NECTIN3: variants seen among roughly 807,000 people sequenced by gnomAD.
NECTIN3 encodes nectin-3.
NECTIN3 carries 8 observed loss-of-function variants against 49.4 expected under a neutral mutation model. The observed-to-expected ratio is 0.16, with a 90% CI of 0.10 to 0.29. The LOEUF (loss-of-function observed/expected upper bound fraction) is 0.29. Among genes scored for constraint, NECTIN3 ranks in the 10% least tolerant of loss-of-function variants. The pLI, the probability that NECTIN3 is intolerant of heterozygous loss-of-function variation, is 1.00. For synonymous variants in NECTIN3, 277 were observed against 241.1 expected (o/e 1.15, Z -1.38); for missense variants, 581 against 654.6 (o/e 0.89, Z 1.23).
intron 1 of NECTIN3, 99 bp from the exon 2 acceptor site, chr3:111,111,928 TGTG>T: frequency 3.3e-6 from 2 of 604,922 alleles, no homozygotes; most frequent in Admixed American, 5.9e-5. Flanking sequence ...TGTGTGTGTG[TGTG>T]TGTAGCTAGA....
rs186408006 is a variant in NECTIN3 at position 111,115,408 on chromosome 3, C to T, written c.502+3037C>T. Among the ~76,000 whole-genome samples, 3 of 152,280 alleles carry T rather than the reference C, an allele frequency of 2.0e-5. No homozygotes were observed. In the East Asian group the frequency reaches 5.8e-4, roughly 29 times the overall value. On this transcript the variant is annotated intron_variant, in intron 2 of 5. Coordinates refer to ENST00000485303, the MANE Select transcript of NECTIN3 (RefSeq NM_015480.3). ...ATATTTGTATTCAGTAGTTGTGCTGCCTCTCACCTGTCTTCTATTCTCAGC... is the reference window on the plus strand; with the variant it reads ...ATATTTGTATTCAGTAGTTGTGCTGTCTCTCACCTGTCTTCTATTCTCAGC...
chr3:111,139,293 T>C (rs1444220069), downstream of NECTIN3, among the ~76,000 whole-genome samples: 1 of 151,766 alleles, frequency 6.6e-6, no homozygotes, highest in African/African-American at 2.4e-5. Flanking sequence ...TTTCCAAATA[T>C]GATCCATTCA....
At chr3:111,186,859 A>C (rs149310825) in intron 7 of NECTIN3, among the ~76,000 whole-genome samples, 369 of 152,332 alleles carry the variant, frequency 2.4e-3, no homozygotes, top group African/African-American at 8.3e-3. Flanking sequence ...GAGTAGCCCA[A>C]GGCTTTCTAG....
At chr3:111,185,284 AAC>A (rs766685867) in intron 7 of NECTIN3, among the ~76,000 whole-genome samples, 22 of 152,196 alleles carry the variant, frequency 1.4e-4, no homozygotes, top group Non-Finnish European at 1.2e-4. Context: ...ACCAGAAAAA[AAC>A]AGAGTTATCA....
chr3:111,115,813 A>C lies in NECTIN3; in HGVS notation c.503-2843A>C, dbSNP rs530487315. Among the ~76,000 whole-genome samples, 50 of 152,372 alleles carry C rather than the reference A, an allele frequency of 3.3e-4. 1 individual carries two copies. Among genetic ancestry groups the C allele is most frequent in the Admixed American group, 5.9e-4 (9 of 15,300 alleles). On this transcript the variant is annotated intron_variant, in intron 2 of 5. Transcript: ENST00000485303. ...CATGAATGAAGACAAGAACTATTAC[A>C]GAGGAATAATTAGCAGAATTTTGTA...
downstream of NECTIN3, among the ~76,000 whole-genome samples, chr3:111,142,054 T>C (rs1010187743): frequency 1.3e-5 from 2 of 151,912 alleles, no homozygotes; most frequent in African/African-American, 2.4e-5. Context: ...GGCTGAGATA[T>C]GTGCGAAACA....
Position 111,137,081 on chromosome 3 carries a change from G to A in NECTIN3, c.*2866G>A. On this transcript the variant is annotated 3_prime_UTR_variant, in exon 6 of 6. Coordinates refer to ENST00000485303, the MANE Select transcript of NECTIN3 (RefSeq NM_015480.3). Reference sequence around the variant, plus strand: ...ACGGCTAAATATTTTGCATTAAGGAGCTGTAGGAGTACAGTGTATAAGTAC... The same window carrying A: ...ACGGCTAAATATTTTGCATTAAGGAACTGTAGGAGTACAGTGTATAAGTAC... 1 of 983,116 alleles carries A rather than the reference G, an allele frequency of 1.0e-6. No homozygotes were observed. Among genetic ancestry groups the A allele is most frequent in the Admixed American group, 6.2e-5 (1 of 16,162 alleles). The allele number at this position is 983,116 out of a possible 1,614,324, so 60.9% of individuals were successfully genotyped here.
chr3:111,098,797 C>T (rs1236734171), intron 1 of NECTIN3, among the ~76,000 whole-genome samples: 1 of 151,742 alleles, frequency 6.6e-6, no homozygotes, highest in Admixed American at 6.6e-5. Flanking sequence ...TATTTTCAAC[C>T]TGCAATATTC....
intron 5 of NECTIN3, among the ~76,000 whole-genome samples, chr3:111,131,330 A>G (rs2034381208): frequency 6.6e-6 from 1 of 152,024 alleles, no homozygotes; most frequent in Non-Finnish European, 1.5e-5. Flanking sequence ...TCTAACTGAA[A>G]AATGAGGAAT....
chr3:111,157,420 C>A (rs1041374835), intron 7 of NECTIN3, among the ~76,000 whole-genome samples: 1 of 152,026 alleles, frequency 6.6e-6, no homozygotes, highest in Non-Finnish European at 1.5e-5. Flanking sequence ...TTCAAGAGAT[C>A]CAGCTTGAGT....
In NECTIN3 at chr3:111,135,130, CA is replaced by C. The variant is rs1212470422; in HGVS notation, c.*917del. ...TAGTTTTAGAAATGAGACTTTCAGCCAACAATCTATAGAAAGAATTTTATGG... is the reference window on the plus strand; with the variant it reads ...TAGTTTTAGAAATGAGACTTTCAGCCACAATCTATAGAAAGAATTTTATGG... On this transcript the variant is annotated 3_prime_UTR_variant, in exon 6 of 6. Transcript: ENST00000485303. 46 of 980,704 alleles carry C rather than the reference CA, an allele frequency of 4.7e-5. No individual in the cohort carries two copies. Among genetic ancestry groups the C allele is most frequent in the Non-Finnish European group, 5.4e-5 (45 of 826,016 alleles). The allele number at this position is 980,704 out of a possible 1,614,324, so 60.8% of individuals were successfully genotyped here. A position where few individuals can be genotyped will look rare whatever the true frequency, so the allele number is the denominator to read the frequency against.
intron 7 of NECTIN3, among the ~76,000 whole-genome samples, chr3:111,169,728 A>G (rs1410022970): frequency 6.6e-6 from 1 of 152,192 alleles, no homozygotes; most frequent in Non-Finnish European, 1.5e-5. Flanking sequence ...ACTAAGAATT[A>G]GGGCAACAGT....
At chr3:111,173,118 C>T (rs932849120) in intron 7 of NECTIN3, among the ~76,000 whole-genome samples, 1 of 149,760 alleles carries the variant, frequency 6.7e-6, no homozygotes, top group African/African-American at 2.5e-5. Flanking sequence ...GTTACCCTTT[C>T]TGGGTCTGTT....
chr3:111,089,030 A>C (rs2032097758), intron 1 of NECTIN3, among the ~76,000 whole-genome samples: 2 of 152,132 alleles, frequency 1.3e-5, no homozygotes, highest in Admixed American at 1.3e-4. Context: ...TTTGGCACTT[A>C]GCATTTTTGT....
intron 4 of NECTIN3, among the ~76,000 whole-genome samples, chr3:111,123,226 G>C (rs775042678): frequency 3.3e-5 from 5 of 152,008 alleles, no homozygotes; most frequent in Admixed American, 6.6e-5. Flanking sequence ...TTTTATGAGT[G>C]TAGTATCTTT....
chr3:111,152,834 CA>C (rs1287917183), intron 7 of NECTIN3, among the ~76,000 whole-genome samples: 7 of 151,852 alleles, frequency 4.6e-5, no homozygotes, highest in Non-Finnish European at 1.0e-4. Flanking sequence ...ACAATCAGGC[CA>C]TATTTCATTT....
At chr3:111,188,438 T>A (rs2035758879), upstream of NECTIN3, among the ~76,000 whole-genome samples, 1 of 152,212 alleles carries the variant, frequency 6.6e-6, no homozygotes, top group Admixed American at 6.5e-5. Flanking sequence ...ACCCATTCAC[T>A]TATTGTCCGA....
chr3:111,118,584 A>G (rs2107463219), intron 2 of NECTIN3, 72 bp from the exon 3 acceptor site: 2 of 1,320,154 alleles, frequency 1.5e-6, no homozygotes, highest in Non-Finnish European at 2.0e-6. Context: ...AAATATGTTT[A>G]GATGTGACTT....
chr3:111,145,317 C>G (rs1463138371), intron 6 of NECTIN3, among the ~76,000 whole-genome samples: 1 of 152,074 alleles, frequency 6.6e-6, no homozygotes, highest in Non-Finnish European at 1.5e-5. Flanking sequence ...TTATATTGTC[C>G]TGCCTTCTGA....
Sources: gnomAD v4.1 joint callset for allele counts (sites outside exome capture counted in the v4.1 genomes callset) on GRCh38, gnomAD v4.1.1 for gene constraint, MANE v1.5 for transcripts, NCBI Gene and HGNC (gene_info 2026-07-23, HGNC 2026-07-21) for gene names.